The following AK4 variants were observed in gnomAD, a reference collection of about 807,000 sequenced individuals.
AK4 encodes adenylate kinase 4, mitochondrial.
AK4 carries 13 observed loss-of-function variants against 24.6 expected under a neutral mutation model. The ratio of observed to expected loss-of-function variants is 0.53; its 90% CI spans 0.34 to 0.84. The LOEUF (loss-of-function observed/expected upper bound fraction) is 0.84, where lower values mean the gene tolerates loss of function less well. Ranked by LOEUF, AK4 falls within the 40% of genes least tolerant of loss-of-function variation. The probability of loss-of-function intolerance (pLI) is 0.01; values close to 1 mark genes in which losing one functional copy is unlikely to be tolerated. For synonymous variants in AK4, 88 were observed against 107.0 expected, an observed-to-expected ratio of 0.82 and a Z score of 1.10; for missense variants, 192 against 288.2, an observed-to-expected ratio of 0.67 and a Z score of 2.42.
At chr1:65,218,622 C>T in intron 2 of AK4, 132 bp from the exon 3 acceptor site, 1 of 770,674 alleles carries the variant, frequency 1.3e-6, no homozygotes, top group Non-Finnish European at 1.9e-6. Context: ...CAAATGATCC[C>T]ATCACCCAGA....
At chr1:65,198,663 A>G (rs959131243) in intron 2 of AK4, among the ~76,000 whole-genome samples, 2 of 152,192 alleles carry the variant, frequency 1.3e-5, no homozygotes, top group African/African-American at 4.8e-5. Flanking sequence ...TGATTGCATG[A>G]AAAAAGATGG....
At chr1:65,150,076 G>A (rs1649714404) in intron 1 of AK4, among the ~76,000 whole-genome samples, 1 of 152,042 alleles carries the variant, frequency 6.6e-6, no homozygotes, top group South Asian at 2.1e-4. Context: ...CCTTCTATGA[G>A]CCCATTCCAT....
intron 2 of AK4, among the ~76,000 whole-genome samples, chr1:65,191,602 C>T (rs1307580656): frequency 1.3e-5 from 2 of 150,616 alleles, no homozygotes; most frequent in African/African-American, 2.4e-5. Flanking sequence ...AATGAGTTAT[C>T]TTAGTATTTT....
At chr1:65,172,009 C>T (rs1650541476) in intron 1 of AK4, among the ~76,000 whole-genome samples, 1 of 142,818 alleles carries the variant, frequency 7.0e-6, no homozygotes. Flanking sequence ...TAAAGTAAGC[C>T]AAGATTGTGT....
intron 1 of AK4, among the ~76,000 whole-genome samples, chr1:65,162,951 A>G: frequency 6.6e-6 from 1 of 152,154 alleles, no homozygotes; most frequent in East Asian, 1.9e-4. Context: ...TCTATATTGT[A>G]GTGTGTATCA....
chr1:65,182,294 G>C (rs370094156), intron 1 of AK4, among the ~76,000 whole-genome samples: 10 of 152,228 alleles, frequency 6.6e-5, no homozygotes, highest in South Asian at 2.1e-4. Flanking sequence ...ATTTTGGTTG[G>C]AGAAGTGGTG....
At chr1:65,184,523 A>T (rs2101031038) in intron 1 of AK4, among the ~76,000 whole-genome samples, 1 of 152,152 alleles carries the variant, frequency 6.6e-6, no homozygotes, top group African/African-American at 2.4e-5. Context: ...GTGTTTTCTG[A>T]ATTATTTGTG....
At chr1:65,169,199 G>GA (rs1252802330) in intron 1 of AK4, among the ~76,000 whole-genome samples, 2 of 147,324 alleles carry the variant, frequency 1.4e-5, no homozygotes, top group South Asian at 2.1e-4. Context: ...AAAAGAAAAA[G>GA]AAAAGAAAAG....
chr1:65,220,372 A>G (rs552869915), intron 3 of AK4, among the ~76,000 whole-genome samples: 2 of 152,328 alleles, frequency 1.3e-5, no homozygotes, highest in East Asian at 3.9e-4. Flanking sequence ...ATTTCTCCAT[A>G]TCATCACCAG....
At chr1:65,172,092 TA>T (rs1557444527) in intron 1 of AK4, among the ~76,000 whole-genome samples, 23 of 116,680 alleles carry the variant, frequency 2.0e-4, no homozygotes, top group East Asian at 1.8e-3. Flanking sequence ...TATATATATA[TA>T]TATATATATA....
intron 3 of AK4, among the ~76,000 whole-genome samples, chr1:65,224,371 A>G (rs74080341): frequency 0.018 from 2,710 of 152,330 alleles, 91 homozygotes; most frequent in African/African-American, 0.062. Flanking sequence ...TTTCCGCATT[A>G]AGAACTCAGG....
In AK4 at chr1:65,168,272, A is replaced by G. The variant is rs771397167; in HGVS notation, c.145+19720A>G. ...AGCTATTCTCCTGCCTCAGCCTCCCAAGTAGCTGGGCTTGCAAGCATGTGT... is the reference window on the plus strand; with the variant it reads ...AGCTATTCTCCTGCCTCAGCCTCCCGAGTAGCTGGGCTTGCAAGCATGTGT... On this transcript the variant is annotated intron_variant, in intron 1 of 4. Coordinates refer to ENST00000327299, the MANE Select transcript of AK4 (RefSeq NM_013410.4). 5.3e-5 allele frequency among the ~76,000 whole-genome samples: 8 copies of G among 149,788 alleles called. No homozygotes were observed. The East Asian group carries it at 1.6e-3, about 30-fold the overall frequency.
chr1:65,170,928 A>AATTATTGG (rs1340159658), intron 1 of AK4, among the ~76,000 whole-genome samples: 4 of 149,384 alleles, frequency 2.7e-5, no homozygotes, highest in Non-Finnish European at 5.9e-5. Flanking sequence ...TTCCTGTTGT[A>AATTATTGG]ATTATTGGTT....
Position 65,226,243 on chromosome 1 carries a change from T to C in AK4, c.*66T>C. The C allele has an allele frequency of 2.3e-6, 3 of 1,313,236 alleles. No homozygotes were observed. The highest frequency in any genetic ancestry group is 3.1e-6 in the Non-Finnish European group (3 of 964,114). The allele number at this position is 1,313,236 out of a possible 1,614,324, so 81.3% of individuals were successfully genotyped here. ...TCAATAGTGTGTGTAGTATTGGTGC[T>C]GTGTCCAAATTAGAAGCTAGCTGAG... On this transcript the variant is annotated 3_prime_UTR_variant, in exon 5 of 5. Transcript: ENST00000327299.
chr1:65,191,535 A>G (rs1651306363), intron 2 of AK4, among the ~76,000 whole-genome samples: 1 of 150,702 alleles, frequency 6.6e-6, no homozygotes, highest in South Asian at 2.1e-4. Flanking sequence ...GAGTGGGGAT[A>G]GGGAAGGTAG....
Position 65,229,240 on chromosome 1 carries a change from T to C in AK4, c.*3063T>C, listed in dbSNP as rs1408474318. ...CCTTGAGTCTGCTTGGTTCTGCTTA[T>C]GGCCTCACATCAAGAAATGGAGCTA... is the stretch of plus-strand genomic sequence containing the variant. On this transcript the variant is annotated 3_prime_UTR_variant, in exon 5 of 5. Transcript: ENST00000327299. 1 of 152,150 alleles carries C rather than the reference T, an allele frequency of 6.6e-6. No individual in the cohort carries two copies. Among genetic ancestry groups the C allele is most frequent in the Non-Finnish European group, 1.5e-5 (1 of 68,034 alleles). The allele number at this position is 152,150 out of a possible 1,614,324, so 9.4% of individuals were successfully genotyped here.
rs528470682 is a variant in AK4 at position 65,230,626 on chromosome 1, G to T, written c.*4449G>T. 22 of 152,260 alleles carry T rather than the reference G, an allele frequency of 1.4e-4. No homozygotes were observed. The East Asian group carries it at 4.2e-3, about 29-fold the overall frequency. The allele number at this position is 152,260 out of a possible 1,614,324, so 9.4% of individuals were successfully genotyped here. On this transcript the variant is annotated 3_prime_UTR_variant, in exon 5 of 5. Transcript: ENST00000327299. ...GAAATAATCCTGTTTATTTAAACGG[G>T]TTTTCATGTACCTGTAGGGATTAGG...
chr1:65,162,277 T>C (rs1421182284), intron 1 of AK4, among the ~76,000 whole-genome samples: 1 of 151,950 alleles, frequency 6.6e-6, no homozygotes, highest in Non-Finnish European at 1.5e-5. Flanking sequence ...GGAAGCAGTA[T>C]GTGGAAAGAG....
intron 3 of AK4, among the ~76,000 whole-genome samples, 198 bp from the exon 4 acceptor site, chr1:65,224,554 T>C (rs1049113820): frequency 4.6e-5 from 7 of 152,190 alleles, no homozygotes; most frequent in Non-Finnish European, 1.0e-4. Flanking sequence ...TAATGTCAGC[T>C]CCCAGGAAAT....
Sources: allele counts gnomAD v4.1 joint callset (sites outside exome capture counted in the v4.1 genomes callset), GRCh38; gene constraint gnomAD v4.1.1; transcripts MANE v1.5; gene names NCBI Gene and HGNC (gene_info 2026-07-23, HGNC 2026-07-21).